NOSIP: variants seen among roughly 807,000 people sequenced by gnomAD.
The protein encoded by NOSIP is nitric oxide synthase-interacting protein.
In NOSIP, 25 loss-of-function variants were observed where a neutral mutation model predicts 36.4. The observed-to-expected ratio is 0.69, with a 90% CI of 0.50 to 0.96. The LOEUF (loss-of-function observed/expected upper bound fraction) is 0.96, where lower values mean the gene tolerates loss of function less well. Ranked by LOEUF, NOSIP falls within the 40% of genes least tolerant of loss-of-function variation. The pLI is 0.00. For missense variants in NOSIP, 370 were observed against 429.0 expected, an observed-to-expected ratio of 0.86 and a Z score of 1.21; for synonymous variants, 187 against 179.2, an observed-to-expected ratio of 1.04 and a Z score of -0.35.
chr19:49,556,798 GTCCCTGTGCGTGA>G (rs2080255220), intron 6 of NOSIP, 62 bp from the exon 7 acceptor site: 1 of 1,593,868 alleles, frequency 6.3e-7, no homozygotes, highest in Non-Finnish European at 8.6e-7. Context: ...AGAGCGCGTG[GTCCCTGTGCGTGA>G]GGAGGACGGT....
chr19:49,566,300 G>A (rs1175470105), intron 1 of NOSIP, among the ~76,000 whole-genome samples: 1 of 152,042 alleles, frequency 6.6e-6, no homozygotes, highest in African/African-American at 2.4e-5. Context: ...GATTACAGGC[G>A]TGAGCCACTG....
At chr19:49,556,845 C>G in intron 6 of NOSIP, 30 bp downstream of exon 6, 1 of 1,594,224 alleles carries the variant, frequency 6.3e-7, no homozygotes, top group Non-Finnish European at 8.6e-7. Flanking sequence ...GCCCTGGCAC[C>G]GTGCGTGCCG....
chr19:49,573,493 C>T (rs745611921), intron 1 of NOSIP, among the ~76,000 whole-genome samples: 38 of 152,142 alleles, frequency 2.5e-4, no homozygotes, highest in Non-Finnish European at 4.3e-4. Context: ...TGGGTCCCAG[C>T]ATTGCCTGGC....
intron 1 of NOSIP, among the ~76,000 whole-genome samples, chr19:49,573,790 TTATG>T (rs142865904): frequency 2.0e-4 from 31 of 151,528 alleles, no homozygotes; most frequent in Admixed American, 6.6e-4. Context: ...TTATTTTATT[TTATG>T]TATGTATGTA....
chr19:49,561,918 G>T, intron 1 of NOSIP, among the ~76,000 whole-genome samples: 1 of 151,308 alleles, frequency 6.6e-6, no homozygotes, highest in Non-Finnish European at 1.5e-5. Context: ...CCTAAGCCAA[G>T]ATAATGCACA....
rs534415595 is a variant in NOSIP, at chr19:49,560,032, C to G, written c.78G>C (p.Ser26=). The part of the protein sequence containing the change: ...YHEKKKDTAA[S]GYGTQNIRLS... Reference sequence around the variant, plus strand: ...GTCGAATGTTCTGGGTCCCATAGCCCGAGGCCGCTGGGGACAGAGATGGGC... The same window carrying G: ...GTCGAATGTTCTGGGTCCCATAGCCGGAGGCCGCTGGGGACAGAGATGGGC... The change falls in exon 3 of 9, where the codon TCG becomes TCC. Residue 26 remains serine (S), a synonymous_variant. Transcript: ENST00000596358. The surrounding 1 kb of genome is among the most constrained non-coding windows in gnomAD (Gnocchi z 4.6). The G allele has an allele frequency of 2.5e-6, 4 of 1,612,438 alleles. No individual in the cohort carries two copies. Among genetic ancestry groups the G allele is most frequent in the Non-Finnish European group, 3.4e-6 (4 of 1,178,920 alleles).
Position 49,560,107 on chromosome 19 carries a change from C to T in NOSIP, c.71-68G>A, listed in dbSNP as rs2080312101. On this transcript the variant is annotated intron_variant, in intron 2 of 8. Transcript: ENST00000596358. The surrounding 1 kb of genome is among the most constrained non-coding windows in gnomAD (Gnocchi z 4.6). ...AGGAGACATGTCCGTCTCCAAAGCCCCAGAGAGAGGCACAGAGACAACGCG... is the reference window on the plus strand; with the variant it reads ...AGGAGACATGTCCGTCTCCAAAGCCTCAGAGAGAGGCACAGAGACAACGCG... 2 of 1,097,040 alleles carry T rather than the reference C, an allele frequency of 1.8e-6. No individual in the cohort carries two copies. Among genetic ancestry groups the T allele is most frequent in the East Asian group, 5.0e-5 (2 of 40,064 alleles). The allele number at this position is 1,097,040 out of a possible 1,614,324, so 68.0% of individuals were successfully genotyped here. A position where few individuals can be genotyped will look rare whatever the true frequency, so the allele number is the denominator to read the frequency against.
chr19:49,557,796 C>A (rs2080275012), intron 4 of NOSIP: 1 of 988,274 alleles, frequency 1.0e-6, no homozygotes. Context: ...CTGCCTGGCG[C>A]ACAGCAGTTG....
intron 1 of NOSIP, among the ~76,000 whole-genome samples, chr19:49,567,164 C>T (rs2080421353): frequency 6.8e-6 from 1 of 146,600 alleles, no homozygotes; most frequent in Non-Finnish European, 1.5e-5. Flanking sequence ...GCTCTGTCTC[C>T]CAGGCTGGAG....
At chr19:49,566,573 T>A (rs2080411007) in intron 1 of NOSIP, 1 of 152,066 alleles carries the variant, frequency 6.6e-6, no homozygotes, top group Admixed American at 6.6e-5. Context: ...AGTGCTAGGA[T>A]GAAGGGTATG....
intron 5 of NOSIP, 40 bp from the exon 6 acceptor site, chr19:49,557,033 C>A (rs745440688): frequency 2.0e-4 from 320 of 1,589,336 alleles, no homozygotes; most frequent in Non-Finnish European, 2.4e-4. Context: ...GCCCCCTGGG[C>A]CCGCCCAGCC....
chr19:49,566,490 A>G (rs10401626), intron 1 of NOSIP, among the ~76,000 whole-genome samples: 42,208 of 151,402 alleles, frequency 0.28, 8,633 homozygotes, highest in African/African-American at 0.58. Context: ...TTATCCAGGC[A>G]GGGTCTTGCT....
chr19:49,577,294 C>T (rs571897289), intron 1 of NOSIP, among the ~76,000 whole-genome samples: 2 of 152,308 alleles, frequency 1.3e-5, no homozygotes, highest in South Asian at 4.1e-4. Flanking sequence ...CGCGGTGGCT[C>T]ATGCCTGTAA....
chr19:49,569,282 C>T (rs1480755178), intron 1 of NOSIP, among the ~76,000 whole-genome samples: 3 of 150,020 alleles, frequency 2.0e-5, no homozygotes, highest in African/African-American at 4.9e-5. Context: ...CAAGCTCCAC[C>T]TCCCAGGTTC....
chr19:49,559,580 T>C (rs543640534), intron 3 of NOSIP: 8 of 246,178 alleles, frequency 3.2e-5, no homozygotes, highest in African/African-American at 1.6e-4. Flanking sequence ...CTACAAAATA[T>C]ACCACTAATT....
chr19:49,571,520 G>A (rs926131637), intron 1 of NOSIP, among the ~76,000 whole-genome samples: 1 of 152,150 alleles, frequency 6.6e-6, no homozygotes, highest in African/African-American at 2.4e-5. Context: ...AAGAGCAGGA[G>A]CGACCGATGT....
intron 1 of NOSIP, among the ~76,000 whole-genome samples, chr19:49,569,545 A>G (rs2080458073): frequency 7.0e-6 from 1 of 143,642 alleles, no homozygotes; most frequent in Non-Finnish European, 1.5e-5. Context: ...GGTGGCTCAC[A>G]CCTGTAATCC....
At chr19:49,559,732 G>A in intron 3 of NOSIP, 1 of 595,548 alleles carries the variant, frequency 1.7e-6, no homozygotes, top group Non-Finnish European at 3.0e-6. Flanking sequence ...TTAGAAGTAT[G>A]TTCCTTTCCA....
At chr19:49,561,924 G>C (rs958235884) in intron 1 of NOSIP, among the ~76,000 whole-genome samples, 10 of 151,048 alleles carry the variant, frequency 6.6e-5, no homozygotes, top group African/African-American at 2.2e-4. Context: ...CCAAGATAAT[G>C]CACATTTATT....
Sources: allele counts gnomAD v4.1 joint callset (sites outside exome capture counted in the v4.1 genomes callset), GRCh38; gene constraint gnomAD v4.1.1; non-coding constraint Gnocchi (gnomAD v3.1); transcripts MANE v1.5; gene names NCBI Gene and HGNC (gene_info 2026-07-23, HGNC 2026-07-21).